The following KCNQ1 variants were observed in gnomAD, a reference collection of about 807,000 sequenced individuals.
KCNQ1 encodes the protein potassium voltage-gated channel subfamily Q member 1.
A neutral mutation model predicts 72.4 loss-of-function variants in KCNQ1; 49 were observed. The observed-to-expected ratio is 0.68, with a 90% CI of 0.54 to 0.86. The LOEUF (loss-of-function observed/expected upper bound fraction) is 0.86. Among genes scored for constraint, KCNQ1 ranks in the 40% least tolerant of loss-of-function variants. The pLI, the probability that KCNQ1 is intolerant of heterozygous loss-of-function variation, is 0.00. For missense variants in KCNQ1, 790 were observed against 945.1 expected, an observed-to-expected ratio of 0.84 and a Z score of 2.15; for synonymous variants, 450 against 412.6, an observed-to-expected ratio of 1.09 and a Z score of -1.10.
At chr11:2,452,785 C>A (rs977438513) in intron 1 of KCNQ1, among the ~76,000 whole-genome samples, 1 of 152,194 alleles carries the variant, frequency 6.6e-6, no homozygotes, top group Non-Finnish European at 1.5e-5. Flanking sequence ...TTTTTAAAAA[C>A]CGCATGTAAC....
rs1190948527 is a variant in KCNQ1, at chr11:2,538,234, C to T, written c.477+10216C>T. The stretch of plus-strand genomic sequence containing the variant: ...TTTTTCTCATTGCACATGGCTGTCA[C>T]GCGGTTTCAGCTTCTTTGACCTGGA... On this transcript the variant is annotated intron_variant, in intron 2 of 15. Coordinates refer to ENST00000155840, the MANE Select transcript of KCNQ1 (RefSeq NM_000218.3). The surrounding 1 kb of genome is among the most constrained non-coding windows in gnomAD (Gnocchi z 6.7). 1.3e-5 allele frequency among the ~76,000 whole-genome samples: 2 copies of T among 152,170 alleles called. No individual in the cohort carries two copies. The highest frequency in any genetic ancestry group is 2.4e-5 in the African/African-American group (1 of 41,444).
At chr11:2,580,488 A>C (rs961478404) in intron 6 of KCNQ1, among the ~76,000 whole-genome samples, 9 of 152,218 alleles carry the variant, frequency 5.9e-5, no homozygotes, top group Non-Finnish European at 1.0e-4. Context: ...GCATTTTTGC[A>C]AATCTCCAGA....
At position 2,544,262 on chromosome 11, in the gene KCNQ1, GTGTGTGTGTA is replaced by G. The variant is rs1564811907; in HGVS notation, c.477+16246_477+16255del. Among the ~76,000 whole-genome samples, 2 of 92,946 alleles carry G rather than the reference GTGTGTGTGTA, an allele frequency of 2.2e-5. No homozygotes were observed. Among genetic ancestry groups the G allele is most frequent in the Non-Finnish European group, 4.0e-5 (2 of 50,276 alleles). 61.0% of individuals were successfully genotyped at this position (92,946 alleles called of 152,430 possible). ...TGTGTGTGTGTGTATATATATATGT[GTGTGTGTGTA>G]TATATATGTGTATATATATATGTAT... is the stretch of plus-strand genomic sequence containing the variant. On this transcript the variant is annotated intron_variant, in intron 2 of 15. Coordinates refer to ENST00000155840, the MANE Select transcript of KCNQ1 (RefSeq NM_000218.3). The surrounding 1 kb of genome is among the most constrained non-coding windows in gnomAD (Gnocchi z 4.4).
At position 2,603,713 on chromosome 11, in the gene KCNQ1, CAG is replaced by C. The variant is rs1848838895; in HGVS notation, c.1393+14862_1393+14863del. On this transcript the variant is annotated intron_variant, in intron 10 of 15. Coordinates refer to ENST00000155840, the MANE Select transcript of KCNQ1 (RefSeq NM_000218.3). The surrounding 1 kb of genome is among the most constrained non-coding windows in gnomAD (Gnocchi z 4.1). Reference sequence around the variant, plus strand: ...AGTGCTTCTTTTTTTTTCCCCGAGACAGAGTCTCCCTCTGTCGCCCAGGCTGG... The same window carrying C: ...AGTGCTTCTTTTTTTTTCCCCGAGACAGTCTCCCTCTGTCGCCCAGGCTGG... Among the ~76,000 whole-genome samples the C allele has an allele frequency of 6.6e-6, 1 of 151,976 alleles. No individual in the cohort carries two copies. Among genetic ancestry groups the C allele is most frequent in the African/African-American group, 2.4e-5 (1 of 41,364 alleles).
chr11:2,681,581 G>T (rs896778145), intron 11 of KCNQ1: 3 of 398,512 alleles, frequency 7.5e-6, no homozygotes, highest in Non-Finnish European at 1.3e-5. Flanking sequence ...TTTTCAGGAA[G>T]TTTCTAGCTT....
intron 2 of KCNQ1, among the ~76,000 whole-genome samples, chr11:2,534,171 G>C (rs1036382420): frequency 1.3e-5 from 2 of 152,194 alleles, no homozygotes; most frequent in African/African-American, 4.8e-5. Flanking sequence ...GAGTCTCTGG[G>C]CCTCCGTGAC....
intron 10 of KCNQ1, chr11:2,650,373 T>A (rs961484937): frequency 2.5e-6 from 1 of 398,528 alleles, no homozygotes; most frequent in Non-Finnish European, 4.4e-6. Flanking sequence ...ATATCTGGAA[T>A]AACAGAGACT....
At chr11:2,454,296 T>C (rs976504210) in intron 1 of KCNQ1, among the ~76,000 whole-genome samples, 1 of 152,186 alleles carries the variant, frequency 6.6e-6, no homozygotes, top group Non-Finnish European at 1.5e-5. Flanking sequence ...TTTGAAGCCA[T>C]GTAAATCAAT....
Position 2,768,303 on chromosome 11 carries a change from G to A in KCNQ1, c.1515-541G>A, listed in dbSNP as rs537779091. Among the ~76,000 whole-genome samples the A allele has an allele frequency of 6.6e-6, 1 of 152,304 alleles. No individual in the cohort carries two copies. Among genetic ancestry groups the A allele is most frequent in the Non-Finnish European group, 1.5e-5 (1 of 68,020 alleles). ...ATCTTTATTTCTAGAAGAAACTTTA[G>A]GAGGCAAAAACAGCGCAGCCCCCTT... On this transcript the variant is annotated intron_variant, in intron 11 of 15. Coordinates refer to ENST00000155840, the MANE Select transcript of KCNQ1 (RefSeq NM_000218.3). The surrounding 1 kb of genome is among the most constrained non-coding windows in gnomAD (Gnocchi z 6.7).
In KCNQ1 at chr11:2,826,109, G is replaced by T. The variant is rs1238455283; in HGVS notation, c.1795-21658G>T. Among the ~76,000 whole-genome samples, 1 of 152,248 alleles carries T rather than the reference G, an allele frequency of 6.6e-6. No homozygotes were observed. Among genetic ancestry groups the T allele is most frequent in the Non-Finnish European group, 1.5e-5 (1 of 68,050 alleles). On this transcript the variant is annotated intron_variant, in intron 15 of 15. Coordinates refer to ENST00000155840, the MANE Select transcript of KCNQ1 (RefSeq NM_000218.3). The surrounding 1 kb of genome is among the most constrained non-coding windows in gnomAD (Gnocchi z 4.2). ...AGCAAGCAGCCTGTTACCTAACCAG[G>T]CCTGGCTCATGCCAATGTCTTGAGT...
rs1848763772 is a variant in KCNQ1, at chr11:2,598,713, G to A, written c.1393+9859G>A. Among the ~76,000 whole-genome samples the A allele has an allele frequency of 6.6e-6, 1 of 152,136 alleles. No individual in the cohort carries two copies. The highest frequency in any genetic ancestry group is 2.4e-5 in the African/African-American group (1 of 41,422). On this transcript the variant is annotated intron_variant, in intron 10 of 15. Coordinates refer to ENST00000155840, the MANE Select transcript of KCNQ1 (RefSeq NM_000218.3). The surrounding 1 kb of genome is among the most constrained non-coding windows in gnomAD (Gnocchi z 6.2). Reference sequence around the variant, plus strand: ...AATTGAGTGGCAGGTTTCATGGAGTGGTTTGGAGCACAGCCTATATGGCCA... The same window carrying A: ...AATTGAGTGGCAGGTTTCATGGAGTAGTTTGGAGCACAGCCTATATGGCCA...
Position 2,565,707 on chromosome 11 carries a change from C to G in KCNQ1, c.478-4921C>G, listed in dbSNP as rs893641914. 6.6e-6 allele frequency among the ~76,000 whole-genome samples: 1 copy of G among 152,168 alleles called. No individual in the cohort carries two copies. The highest frequency in any genetic ancestry group is 2.4e-5 in the African/African-American group (1 of 41,418). On this transcript the variant is annotated intron_variant, in intron 2 of 15. Coordinates refer to ENST00000155840, the MANE Select transcript of KCNQ1 (RefSeq NM_000218.3). This position sits in a 1 kb window ranked among gnomAD's most constrained non-coding sequence, Gnocchi z 5.6. ...AGGCCTTGCTAGAAAAGCATACAGT[C>G]GAACGAGTGGGTCCGATGTGGAGTG...
chr11:2,668,646 A>G lies in KCNQ1; in HGVS notation c.1514+6565A>G, dbSNP rs61870801. The G allele has an allele frequency of 0.077, 30,560 of 398,508 alleles. 1,311 individuals are homozygous for G. The highest frequency in any genetic ancestry group is 0.12 in the African/African-American group (5,753 of 48,698). The allele number at this position is 398,508 out of a possible 1,614,324, so 24.7% of individuals were successfully genotyped here. ...GTTTTATGTTTATTTATGGTCCTAT[A>G]TATCTTTAGATATTCTGGAGTCATT... is the stretch of plus-strand genomic sequence containing the variant. On this transcript the variant is annotated intron_variant, in intron 11 of 15. Coordinates refer to ENST00000155840, the MANE Select transcript of KCNQ1 (RefSeq NM_000218.3). This position sits in a 1 kb window ranked among gnomAD's most constrained non-coding sequence, Gnocchi z 4.3.
chr11:2,553,028 T>G (rs1190921258), intron 2 of KCNQ1, among the ~76,000 whole-genome samples: 2 of 152,242 alleles, frequency 1.3e-5, no homozygotes, highest in African/African-American at 4.8e-5. Flanking sequence ...CAGTTTCACT[T>G]TTGGATTATT....
rs1564826092 is a variant in KCNQ1 at position 2,587,703 on chromosome 11, C to T, written c.1251+11C>T. 1 of 1,613,448 alleles carries T rather than the reference C, an allele frequency of 6.2e-7. No homozygotes were observed. The highest frequency in any genetic ancestry group is 8.5e-7 in the Non-Finnish European group (1 of 1,179,942). On this transcript the variant is annotated intron_variant, in intron 9 of 15. Transcript: ENST00000155840. ...AAGAAGTCTGTGGTGGTGAGTAGCC[C>T]ACCTGCCACCAGGGCAGGGCCTTCT...
intron 1 of KCNQ1, among the ~76,000 whole-genome samples, chr11:2,454,702 A>T (rs578084047): frequency 6.6e-6 from 1 of 152,346 alleles, no homozygotes; most frequent in South Asian, 2.1e-4. Flanking sequence ...GTAGAAAAAA[A>T]CTTTTGATAA....
chr11:2,520,029 A>G (rs1027826128), intron 1 of KCNQ1, among the ~76,000 whole-genome samples: 13 of 152,258 alleles, frequency 8.5e-5, no homozygotes, highest in Non-Finnish European at 1.6e-4. Flanking sequence ...TGGAAGGCTG[A>G]AAAGGGCCCT....
chr11:2,833,219 G>A (rs1000350965), intron 15 of KCNQ1, among the ~76,000 whole-genome samples: 10 of 152,192 alleles, frequency 6.6e-5, no homozygotes, highest in African/African-American at 1.4e-4. Flanking sequence ...GGGCCCACGC[G>A]CCAGGGCAGA....
At chr11:2,523,389 G>A (rs1004865846) in intron 1 of KCNQ1, among the ~76,000 whole-genome samples, 3 of 151,990 alleles carry the variant, frequency 2.0e-5, no homozygotes, top group African/African-American at 7.3e-5. Context: ...TAGTAGAGAC[G>A]GGGTTTCACC....
Sources: allele counts gnomAD v4.1 joint callset (sites outside exome capture counted in the v4.1 genomes callset), GRCh38; gene constraint gnomAD v4.1.1; non-coding constraint Gnocchi (gnomAD v3.1); transcripts MANE v1.5; gene names NCBI Gene and HGNC (gene_info 2026-07-23, HGNC 2026-07-21).